Variants in FAM98B observed in about 807,000 individuals in gnomAD.
FAM98B encodes tRNA splicing ligase complex subunit 3B, also known as tRNA-splicing ligase complex subunit FAM98B.
FAM98B carries 32 observed loss-of-function variants against 43.9 expected under a neutral mutation model. That is an observed-to-expected ratio of 0.73 (90% confidence interval 0.55 to 0.98). FAM98B has a LOEUF of 0.98. Among genes scored for constraint, FAM98B ranks in the 50% least tolerant of loss-of-function variants. The pLI is 0.00. For missense variants in FAM98B, 514 were observed against 522.9 expected (o/e 0.98, Z 0.17); for synonymous variants, 190 against 174.0 (o/e 1.09, Z -0.72).
rs572345663 is a variant in FAM98B at position 38,485,952 on chromosome 15, C to G, written c.*1293C>G. ...TCTCATTGTAGGCTTCTGGTCAATACCTATACATAACAACTTAATGTGATC... is the reference window on the plus strand; with the variant it reads ...TCTCATTGTAGGCTTCTGGTCAATAGCTATACATAACAACTTAATGTGATC... On this transcript the variant is annotated 3_prime_UTR_variant, in exon 8 of 8. Transcript: ENST00000397609. The G allele has an allele frequency of 6.6e-6, 1 of 152,188 alleles. No homozygotes were observed. The highest frequency in any genetic ancestry group is 2.1e-4 in the South Asian group (1 of 4,818). 9.4% of individuals were successfully genotyped at this position (152,188 alleles called of 1,614,324 possible).
Position 38,487,578 on chromosome 15 carries a change from A to T in FAM98B, c.*2919A>T, listed in dbSNP as rs946714689. The T allele has an allele frequency of 1.3e-5, 2 of 152,062 alleles. No homozygotes were observed. The highest frequency in any genetic ancestry group is 2.9e-5 in the Non-Finnish European group (2 of 67,934). The allele number at this position is 152,062 out of a possible 1,614,324, so 9.4% of individuals were successfully genotyped here. On this transcript the variant is annotated 3_prime_UTR_variant, in exon 8 of 8. Transcript: ENST00000397609. ...CCACAGAGGAATTTGAGTGACTGAA[A>T]TTTTTCCTCTTTCTTCATTGGTGTG...
At chr15:38,481,567 A>G (rs766516491) in intron 7 of FAM98B, 108 bp downstream of exon 7, 3 of 1,612,694 alleles carry the variant, frequency 1.9e-6, no homozygotes, top group Non-Finnish European at 1.7e-6. Context: ...TGTTTAGAAA[A>G]AAGAGTGGCA....
intron 3 of FAM98B, 98 bp from the exon 4 acceptor site, chr15:38,470,129 G>A (rs2141057063): frequency 7.7e-6 from 8 of 1,039,688 alleles, no homozygotes; most frequent in Non-Finnish European, 8.0e-6. Context: ...GGCATTATTG[G>A]TATTAATTGA....
At chr15:38,479,799 A>G (rs1490865099) in intron 6 of FAM98B, among the ~76,000 whole-genome samples, 2 of 152,184 alleles carry the variant, frequency 1.3e-5, no homozygotes, top group East Asian at 3.8e-4. Flanking sequence ...CTCGCTTCCC[A>G]TGGCCAAATT....
intron 1 of FAM98B, among the ~76,000 whole-genome samples, chr15:38,455,303 C>T (rs1379792037): frequency 6.6e-6 from 1 of 152,172 alleles, no homozygotes; most frequent in East Asian, 1.9e-4. Context: ...GAGCTTGGAG[C>T]CATCTGCACA....
intron 1 of FAM98B, among the ~76,000 whole-genome samples, chr15:38,462,392 C>A (rs899925667): frequency 1.3e-4 from 19 of 151,916 alleles, no homozygotes; most frequent in Non-Finnish European, 2.4e-4. Flanking sequence ...TAATGTTTTA[C>A]ATAATTATAA....
At chr15:38,462,806 TA>T (rs1889970072) in intron 1 of FAM98B, among the ~76,000 whole-genome samples, 1 of 152,224 alleles carries the variant, frequency 6.6e-6, no homozygotes, top group South Asian at 2.1e-4. Flanking sequence ...CAACCTTTGG[TA>T]GCAGATTATG....
At position 38,461,734 on chromosome 15, in the gene FAM98B, C is replaced by T. The variant is rs1889949632; in HGVS notation, c.72-2298C>T. Among the ~76,000 whole-genome samples, 5 of 152,012 alleles carry T rather than the reference C, an allele frequency of 3.3e-5. 1 individual carries two copies. The highest frequency in any genetic ancestry group is 2.6e-4 in the Admixed American group (4 of 15,268). The stretch of plus-strand genomic sequence containing the variant: ...TGGCCTTTAAACATATGCAAAGATA[C>T]CCTACGTCTTGCTTGTAAGAGAAAT... On this transcript the variant is annotated intron_variant, in intron 1 of 7. Coordinates refer to ENST00000397609, the MANE Select transcript of FAM98B (RefSeq NM_173611.4).
intron 3 of FAM98B, among the ~76,000 whole-genome samples, chr15:38,466,320 A>G (rs1199021568): frequency 1.3e-5 from 2 of 151,928 alleles, no homozygotes; most frequent in Non-Finnish European, 2.9e-5. Flanking sequence ...ACCATTCTCC[A>G]TCTTCCTCCC....
In FAM98B at chr15:38,484,783, C is replaced by T; in HGVS notation, c.*124C>T. ...CATGTTAGACTCCCTGGTGATACCA[C>T]TCTTGAATTGGTTAATATGTAAGAA... On this transcript the variant is annotated 3_prime_UTR_variant, in exon 8 of 8. Transcript: ENST00000397609. 1.5e-6 allele frequency: 2 copies of T among 1,376,726 alleles called. No homozygotes were observed. The highest frequency in any genetic ancestry group is 1.9e-6 in the Non-Finnish European group (2 of 1,056,432). The allele number at this position is 1,376,726 out of a possible 1,614,324, so 85.3% of individuals were successfully genotyped here. A position where few individuals can be genotyped will look rare whatever the true frequency, so the allele number is the denominator to read the frequency against.
rs777709403 is a variant in FAM98B, at chr15:38,465,379, A to G, written c.328A>G (p.Lys110Glu). 1.4e-5 allele frequency: 23 copies of G among 1,600,236 alleles called. No individual in the cohort carries two copies. The highest frequency in any genetic ancestry group is 1.8e-5 in the Non-Finnish European group (21 of 1,174,572). The change falls in exon 3 of 8, where the codon AAG becomes GAG. Residue 110 changes from lysine to glutamate, a missense_variant. This residue lies in a region of FAM98B where 469 missense variants were observed against 451.8 expected (regional missense o/e 1.04). Coordinates refer to ENST00000397609, the MANE Select transcript of FAM98B (RefSeq NM_173611.4). ...SGDIKDRLKKKEDCLKLLLFL... is the reference protein window; with the variant it reads ...SGDIKDRLKKEEDCLKLLLFL... ...AGATATTAAAGATCGTTTAAAAAAG[A>G]AGGAGGACTGTTTGAAACTTCTATG... is the stretch of plus-strand genomic sequence containing the variant.
intron 3 of FAM98B, among the ~76,000 whole-genome samples, chr15:38,467,937 G>A (rs538844787): frequency 2.0e-5 from 3 of 152,252 alleles, no homozygotes; most frequent in East Asian, 1.9e-4. Flanking sequence ...AGGAACAAAC[G>A]CACACAGATG....
chr15:38,462,626 A>G (rs567210463), intron 1 of FAM98B, among the ~76,000 whole-genome samples: 1 of 152,154 alleles, frequency 6.6e-6, no homozygotes, highest in Non-Finnish European at 1.5e-5. Context: ...ACCTATTTTA[A>G]TATATATTAG....
In FAM98B at chr15:38,465,308, G is replaced by C. The variant is rs775654216; in HGVS notation, c.257G>C (p.Gly86Ala). ...DLESFQLEIS[G>A]FLKEMACPYS... ...GAGAGCTTCCAGCTTGAGATAAGTGGCTTTTTAAAAGAAATGGCATGTCCA... is the reference window on the plus strand; with the variant it reads ...GAGAGCTTCCAGCTTGAGATAAGTGCCTTTTTAAAAGAAATGGCATGTCCA... Residue 86 changes from glycine to alanine, a missense_variant, in exon 3 of 8, where the codon GGC becomes GCC. Transcript: ENST00000397609. 1 of 1,610,560 alleles carries C rather than the reference G, an allele frequency of 6.2e-7. No homozygotes were observed. Among genetic ancestry groups the C allele is most frequent in the Non-Finnish European group, 8.5e-7 (1 of 1,179,018 alleles).
chr15:38,481,182 T>A, intron 6 of FAM98B, 110 bp from the exon 7 acceptor site: 1 of 883,790 alleles, frequency 1.1e-6, no homozygotes, highest in Admixed American at 2.6e-5. Context: ...CTTTTCTAAC[T>A]CCTTGCTTAT....
At chr15:38,461,352 A>C (rs1166247903) in intron 1 of FAM98B, among the ~76,000 whole-genome samples, 8 of 152,134 alleles carry the variant, frequency 5.3e-5, no homozygotes, top group Non-Finnish European at 1.2e-4. Context: ...CTCTGCCTTT[A>C]CTTGGCTGTA....
At chr15:38,476,969 C>T (rs746597822) in intron 6 of FAM98B, among the ~76,000 whole-genome samples, 4 of 151,690 alleles carry the variant, frequency 2.6e-5, no homozygotes, top group Non-Finnish European at 4.4e-5. Flanking sequence ...ACAGCTTGGG[C>T]GACAGAGCAA....
intron 6 of FAM98B, among the ~76,000 whole-genome samples, chr15:38,477,430 GTC>G (rs1890218745): frequency 6.6e-6 from 1 of 151,850 alleles, no homozygotes; most frequent in African/African-American, 2.4e-5. Context: ...CTTTTTATCT[GTC>G]TCTCTTTCAT....
chr15:38,458,976 G>C (rs1480821704), intron 1 of FAM98B: 4 of 389,734 alleles, frequency 1.0e-5, no homozygotes, highest in Non-Finnish European at 2.1e-5. Flanking sequence ...TAGCAGCCCT[G>C]GTGGAACCAC....
Sources: gnomAD v4.1 joint callset for allele counts (sites outside exome capture counted in the v4.1 genomes callset) on GRCh38, gnomAD v4.1.1 for gene constraint, gnomAD v4.1.1 regional missense constraint, MANE v1.5 for transcripts, NCBI Gene and HGNC (gene_info 2026-07-23, HGNC 2026-07-21) for gene names.